PDE2A: variants seen among roughly 807,000 people sequenced by gnomAD.
PDE2A encodes cGMP-dependent 3',5'-cyclic phosphodiesterase.
A neutral mutation model predicts 133.6 loss-of-function variants in PDE2A; 53 were observed. That is an observed-to-expected ratio of 0.40 (90% CI 0.32 to 0.50). The LOEUF (loss-of-function observed/expected upper bound fraction) is 0.50. PDE2A is among the 20% of genes least tolerant of loss of function. PDE2A has a pLI of 0.73. For missense variants in PDE2A, 796 were observed against 1,232.4 expected (o/e 0.65, Z 5.30); for synonymous variants, 491 against 490.2 (o/e 1.00, Z -0.02).
chr11:72,608,968 A>G (rs1265928228), intron 2 of PDE2A, among the ~76,000 whole-genome samples: 1 of 152,234 alleles, frequency 6.6e-6, no homozygotes, highest in African/African-American at 2.4e-5. Context: ...TGAGGCGCAG[A>G]GAAGGGCCAG....
In PDE2A at chr11:72,668,490, C is replaced by T. The variant is rs895035014; in HGVS notation, c.71+5647G>A. 1.7e-5 allele frequency: 12 copies of T among 700,856 alleles called. 1 individual carries two copies. Among genetic ancestry groups the T allele is most frequent in the Non-Finnish European group, 3.1e-5 (12 of 382,238 alleles). The allele number at this position is 700,856 out of a possible 1,614,324, so 43.4% of individuals were successfully genotyped here. A position where few individuals can be genotyped will look rare whatever the true frequency, so the allele number is the denominator to read the frequency against. On this transcript the variant is annotated intron_variant, in intron 1 of 30. Transcript: ENST00000334456. ...ACTTCTATCCCTGCTCCTACCTGCA[C>T]CCCCCAACACATAGCAAGCCAGGGG... is the stretch of plus-strand genomic sequence containing the variant.
chr11:72,640,180 C>T (rs1183482441), intron 2 of PDE2A, among the ~76,000 whole-genome samples: 2 of 152,014 alleles, frequency 1.3e-5, no homozygotes, highest in Admixed American at 6.5e-5. Flanking sequence ...CGTCTCCCAC[C>T]ACGCACCTCA....
At chr11:72,589,653 G>A (rs1441632191) in intron 11 of PDE2A, 98 bp downstream of exon 11, 1 of 1,016,120 alleles carries the variant, frequency 9.8e-7, no homozygotes, top group African/African-American at 1.6e-5. Flanking sequence ...GATTCCAAGA[G>A]TCTAGAAGAT....
At chr11:72,660,614 C>T (rs1048841001) in intron 1 of PDE2A, among the ~76,000 whole-genome samples, 1 of 152,098 alleles carries the variant, frequency 6.6e-6, no homozygotes, top group Non-Finnish European at 1.5e-5. Context: ...ACAAAGGTGG[C>T]AGAACTTGCA....
At chr11:72,588,410 C>A (rs1856076842) in intron 13 of PDE2A, among the ~76,000 whole-genome samples, 1 of 152,162 alleles carries the variant, frequency 6.6e-6, no homozygotes, top group African/African-American at 2.4e-5. Context: ...TTCCCAGTCC[C>A]CAAGCATATT....
Position 72,674,413 on chromosome 11 carries a change from G to T in PDE2A, c.-206C>A. 1.8e-6 allele frequency: 1 copy of T among 571,142 alleles called. No homozygotes were observed. Among genetic ancestry groups the T allele is most frequent in the South Asian group, 2.2e-5 (1 of 46,438 alleles). The allele number at this position is 571,142 out of a possible 1,614,324, so 35.4% of individuals were successfully genotyped here. A position where few individuals can be genotyped will look rare whatever the true frequency, so the allele number is the denominator to read the frequency against. On this transcript the variant is annotated 5_prime_UTR_variant, in exon 1 of 31. Transcript: ENST00000334456. The stretch of plus-strand genomic sequence containing the variant: ...CCCGCTGCCACTGCCTCTGCTGCTC[G>T]GCTGGCTCTGGGAGGAGGTTGGAGC...
chr11:72,579,015 G>T lies in PDE2A; in HGVS notation c.2357-6C>A. ...GTTGTTTCGGTCGTAGCCCACTGTTGAGGGGAGGATGGGGTCAAGGAGCGG... is the reference window on the plus strand; with the variant it reads ...GTTGTTTCGGTCGTAGCCCACTGTTTAGGGGAGGATGGGGTCAAGGAGCGG... On this transcript the variant is annotated splice_polypyrimidine_tract_variant and splice_region_variant and intron_variant, in intron 27 of 30. Transcript: ENST00000334456. The T allele has an allele frequency of 6.3e-7, 1 of 1,597,614 alleles. No individual in the cohort carries two copies. The highest frequency in any genetic ancestry group is 1.7e-4 in the Middle Eastern group (1 of 6,032).
chr11:72,599,341 G>C (rs1159858047), intron 4 of PDE2A, among the ~76,000 whole-genome samples: 1 of 151,850 alleles, frequency 6.6e-6, no homozygotes, highest in Non-Finnish European at 1.5e-5. Context: ...ATACCCAAAG[G>C]CCACCTGGAG....
At chr11:72,631,040 C>G (rs775244070) in intron 2 of PDE2A, 138 of 1,484,636 alleles carry the variant, frequency 9.3e-5, no homozygotes, top group Non-Finnish European at 1.1e-4. Flanking sequence ...GCCCCACCCC[C>G]TCAAGCCCAC....
intron 2 of PDE2A, among the ~76,000 whole-genome samples, chr11:72,622,761 G>A (rs566925754): frequency 6.6e-6 from 1 of 152,288 alleles, no homozygotes; most frequent in East Asian, 1.9e-4. Context: ...AAGAGTTCCA[G>A]AGATTGGTTG....
intron 2 of PDE2A, among the ~76,000 whole-genome samples, chr11:72,626,888 C>T (rs1192002680): frequency 1.3e-5 from 2 of 152,216 alleles, no homozygotes; most frequent in African/African-American, 4.8e-5. Context: ...GCAGCCTCCT[C>T]TGGGGCTGAG....
At chr11:72,632,007 CA>C (rs1858414554) in intron 2 of PDE2A, among the ~76,000 whole-genome samples, 2 of 152,210 alleles carry the variant, frequency 1.3e-5, no homozygotes, top group Non-Finnish European at 2.9e-5. Context: ...TTTGATTTGG[CA>C]GCTTCAGAAT....
intron 2 of PDE2A, among the ~76,000 whole-genome samples, chr11:72,633,474 G>A (rs1858522682): frequency 2.6e-5 from 4 of 152,232 alleles, no homozygotes; most frequent in South Asian, 2.1e-4. Context: ...GTTGGATGAA[G>A]ATGGTCTTCA....
At chr11:72,599,121 C>T (rs972042469) in intron 4 of PDE2A, 9 of 725,640 alleles carry the variant, frequency 1.2e-5, no homozygotes, top group Admixed American at 1.3e-4. Flanking sequence ...CTGGTCCTTG[C>T]GTTGCTGGTC....
chr11:72,630,403 G>A (rs1046868333), intron 2 of PDE2A, among the ~76,000 whole-genome samples: 2 of 152,142 alleles, frequency 1.3e-5, no homozygotes, highest in Non-Finnish European at 2.9e-5. Flanking sequence ...GAGGGAGCAG[G>A]AGTGAGCTTG....
At chr11:72,605,033 C>A (rs764983784) in intron 4 of PDE2A, 105 bp downstream of exon 4, 2 of 637,364 alleles carry the variant, frequency 3.1e-6, no homozygotes, top group Non-Finnish European at 2.7e-6. Flanking sequence ...AGGCGGGGAT[C>A]AATGTTGGAA....
intron 4 of PDE2A, among the ~76,000 whole-genome samples, chr11:72,604,588 A>C (rs1856893657): frequency 6.6e-6 from 1 of 152,226 alleles, no homozygotes; most frequent in Non-Finnish European, 1.5e-5. Flanking sequence ...ACCATTTCAT[A>C]AACAAAACTG....
Position 72,597,694 on chromosome 11 carries a change from A to G in PDE2A, c.324-75T>C. On this transcript the variant is annotated intron_variant, in intron 4 of 30. Transcript: ENST00000334456. This position sits in a 1 kb window ranked among gnomAD's most constrained non-coding sequence, Gnocchi z 4.6. ...ACGAGGCCTGGCCTGGGAACACAGG[A>G]CAGTTTGGACCCTGCACATGTGCAA... 1.0e-6 allele frequency: 1 copy of G among 955,218 alleles called. No homozygotes were observed. The highest frequency in any genetic ancestry group is 2.0e-5 in the Admixed American group (1 of 50,094). The allele number at this position is 955,218 out of a possible 1,614,324, so 59.2% of individuals were successfully genotyped here. A position where few individuals can be genotyped will look rare whatever the true frequency, so the allele number is the denominator to read the frequency against.
intron 1 of PDE2A, chr11:72,642,534 A>G: frequency 3.7e-6 from 1 of 269,478 alleles, no homozygotes; most frequent in Non-Finnish European, 4.6e-6. Context: ...TGTCCCCGCC[A>G]CCGCGGACCG....
Sources: allele counts gnomAD v4.1 joint callset (sites outside exome capture counted in the v4.1 genomes callset), GRCh38; gene constraint gnomAD v4.1.1; non-coding constraint Gnocchi (gnomAD v3.1); transcripts MANE v1.5; gene names NCBI Gene and HGNC (gene_info 2026-07-23, HGNC 2026-07-21).